Variants in SLC22A24 observed in about 807,000 individuals in gnomAD.
The protein encoded by SLC22A24 is steroid transmembrane transporter SLC22A24.
A neutral mutation model predicts 49.8 loss-of-function variants in SLC22A24; 53 were observed. The ratio of observed to expected loss-of-function variants is 1.06; its 90% CI spans 0.85 to 1.34. The LOEUF (loss-of-function observed/expected upper bound fraction) is 1.34. Ranked by LOEUF, SLC22A24 falls within the 40% of genes most tolerant of loss-of-function variation. SLC22A24 has a pLI of 0.00. For synonymous variants in SLC22A24, 302 were observed against 256.4 expected, an observed-to-expected ratio of 1.18 and a Z score of -1.70; for missense variants, 786 against 675.9, an observed-to-expected ratio of 1.16 and a Z score of -1.81.
intron 4 of SLC22A24, among the ~76,000 whole-genome samples, chr11:63,113,886 G>T (rs6591750): frequency 0.79 from 118,750 of 149,684 alleles, 48,303 homozygotes; most frequent in East Asian, 0.9. Context: ...TGTTGAATAT[G>T]GGCCCCCTCT....
intron 6 of SLC22A24, among the ~76,000 whole-genome samples, chr11:63,093,739 G>T (rs1450653987): frequency 1.3e-5 from 2 of 151,810 alleles, no homozygotes; most frequent in African/African-American, 2.4e-5. Context: ...AATAACTAAT[G>T]GGTATTAGGC....
Position 63,079,959 on chromosome 11 carries a change from A to T in SLC22A24, c.1640T>A (p.Met547Lys). ...SRNIKQEDTC[M>K]KVTQF ...AATCTCTTAAAACTGTGTTACTTTC[A>T]TGCAAGTATCTTCCTGCTTTATGTT... Residue 547 changes from methionine (M) to lysine (K), a missense_variant, in exon 10 of 10, where the codon ATG becomes AAG. Transcript: ENST00000612278. 6.5e-7 allele frequency: 1 copy of T among 1,545,880 alleles called. No individual in the cohort carries two copies. Among genetic ancestry groups the T allele is most frequent in the Non-Finnish European group, 8.8e-7 (1 of 1,141,796 alleles).
chr11:63,130,406 ATGT>A (rs2087325305), intron 2 of SLC22A24, among the ~76,000 whole-genome samples: 2 of 152,218 alleles, frequency 1.3e-5, no homozygotes, highest in Admixed American at 1.3e-4. Flanking sequence ...TTTCACATCA[ATGT>A]TCATCAGGGA....
rs574801268 is a variant in SLC22A24 at position 63,083,124 on chromosome 11, G to A, written c.1285+119C>T. On this transcript the variant is annotated intron_variant, in intron 7 of 9. Coordinates refer to ENST00000612278, the MANE Select transcript of SLC22A24 (RefSeq NM_001136506.2). Reference sequence around the variant, plus strand: ...GTTCCAAACCCTCATATTAACTTCAGGGAATCTTTTGGCTGTCAAGGGCAA... The same window carrying A: ...GTTCCAAACCCTCATATTAACTTCAAGGAATCTTTTGGCTGTCAAGGGCAA... 3.5e-4 allele frequency: 268 copies of A among 776,526 alleles called. 1 individual carries two copies. The highest frequency in any genetic ancestry group is 2.3e-3 in the Middle Eastern group (6 of 2,620). The allele number at this position is 776,526 out of a possible 1,614,324, so 48.1% of individuals were successfully genotyped here.
intron 4 of SLC22A24, among the ~76,000 whole-genome samples, chr11:63,105,781 CT>C (rs1379184851): frequency 1.3e-5 from 2 of 152,054 alleles, no homozygotes; most frequent in Non-Finnish European, 2.9e-5. Flanking sequence ...GGTGATTAGC[CT>C]TTGGCTCCTC....
chr11:63,105,715 G>C (rs780634030), intron 4 of SLC22A24, among the ~76,000 whole-genome samples: 7 of 151,986 alleles, frequency 4.6e-5, no homozygotes, highest in Non-Finnish European at 7.4e-5. Context: ...GCCTATGATG[G>C]GAGGGGCTGC....
chr11:63,132,229 C>T (rs1182753045), intron 2 of SLC22A24, among the ~76,000 whole-genome samples: 1 of 152,138 alleles, frequency 6.6e-6, no homozygotes, highest in Non-Finnish European at 1.5e-5. Flanking sequence ...TTAGAACATG[C>T]TTCTTTAGCT....
At chr11:63,098,008 GC>G (rs2087066386) in intron 5 of SLC22A24, among the ~76,000 whole-genome samples, 1 of 152,100 alleles carries the variant, frequency 6.6e-6, no homozygotes, top group Non-Finnish European at 1.5e-5. Context: ...GATGGGTGCA[GC>G]AAACCACCAT....
intron 2 of SLC22A24, among the ~76,000 whole-genome samples, chr11:63,120,710 A>C (rs2087245901): frequency 1.3e-5 from 2 of 152,196 alleles, no homozygotes; most frequent in Admixed American, 1.3e-4. Context: ...GCATACAAAC[A>C]AACTTTAGTT....
intron 5 of SLC22A24, among the ~76,000 whole-genome samples, chr11:63,097,355 C>A (rs1488164594): frequency 3.3e-5 from 5 of 152,096 alleles, no homozygotes; most frequent in African/African-American, 1.2e-4. Context: ...TAGAGAAATG[C>A]AAATCAAAAC....
chr11:63,134,582 A>C, intron 2 of SLC22A24, 83 bp downstream of exon 2: 8 of 786,084 alleles, frequency 1.0e-5, no homozygotes, highest in Non-Finnish European at 1.7e-5. Flanking sequence ...AGTATACAGT[A>C]AGAGCTCAGT....
At chr11:63,117,225 GT>G (rs1299592990) in intron 4 of SLC22A24, among the ~76,000 whole-genome samples, 1 of 152,054 alleles carries the variant, frequency 6.6e-6, no homozygotes, top group East Asian at 1.9e-4. Flanking sequence ...CTTTCTCAAT[GT>G]TTGTTGTTGT....
chr11:63,087,467 C>T, intron 6 of SLC22A24, among the ~76,000 whole-genome samples: 1 of 152,204 alleles, frequency 6.6e-6, no homozygotes, highest in East Asian at 1.9e-4. Context: ...CACCAGGGCC[C>T]TGGGCTTCAA....
In SLC22A24 at chr11:63,143,885, A is replaced by G. The variant is rs2087434529; in HGVS notation, c.-106T>C. 1.1e-6 allele frequency: 1 copy of G among 938,298 alleles called. No individual in the cohort carries two copies. Among genetic ancestry groups the G allele is most frequent in the Admixed American group, 4.1e-5 (1 of 24,544 alleles). 58.1% of individuals were successfully genotyped at this position (938,298 alleles called of 1,614,324 possible). A position where few individuals can be genotyped will look rare whatever the true frequency, so the allele number is the denominator to read the frequency against. On this transcript the variant is annotated 5_prime_UTR_variant, in exon 1 of 10. Transcript: ENST00000612278. The stretch of plus-strand genomic sequence containing the variant: ...ACAAAGTTACCATAGTGCCATGTGG[A>G]TCCTGACACTGCTTTCTTCTTGGTG...
intron 2 of SLC22A24, among the ~76,000 whole-genome samples, chr11:63,123,072 G>A (rs1297750497): frequency 2.0e-5 from 3 of 152,084 alleles, no homozygotes; most frequent in Non-Finnish European, 2.9e-5. Flanking sequence ...GATTGGAGGA[G>A]GAAGGAGAAG....
intron 2 of SLC22A24, 39 bp downstream of exon 2, chr11:63,134,626 T>C (rs781633609): frequency 1.9e-5 from 22 of 1,152,270 alleles, no homozygotes; most frequent in Non-Finnish European, 2.7e-5. Context: ...GAATATATCA[T>C]CTGATAAACA....
chr11:63,132,666 C>T (rs2087345170), intron 2 of SLC22A24, among the ~76,000 whole-genome samples: 1 of 152,192 alleles, frequency 6.6e-6, no homozygotes, highest in South Asian at 2.1e-4. Context: ...CTGATCCCTC[C>T]TCTGGAAGCT....
chr11:63,140,514 T>C (rs181644383), intron 1 of SLC22A24, among the ~76,000 whole-genome samples: 4 of 152,294 alleles, frequency 2.6e-5, no homozygotes, highest in African/African-American at 9.6e-5. Context: ...TGAAAATCAT[T>C]CAGTTTACCT....
rs141001044 is a variant in SLC22A24 at position 63,104,250 on chromosome 11, A to T, written c.879T>A (p.Asp293Glu). ...CTCTTCTAAGCTCCTTTAAGCCCTC[A>T]TCTAGCTGATTGTTGATAATCAGCC... ...ARWLIINNQL[D>E]EGLKELRRVA... The change falls in exon 5 of 10, where the codon GAT (aspartate) becomes GAA (glutamate). Residue 293 changes from aspartate to glutamate, a missense_variant. Coordinates refer to ENST00000612278, the MANE Select transcript of SLC22A24 (RefSeq NM_001136506.2). 9 of 1,550,688 alleles carry T rather than the reference A, an allele frequency of 5.8e-6. No homozygotes were observed. In the Middle Eastern group the frequency reaches 6.7e-4, roughly 115 times the overall value.
Sources: gnomAD v4.1 joint callset for allele counts (sites outside exome capture counted in the v4.1 genomes callset) on GRCh38, gnomAD v4.1.1 for gene constraint, MANE v1.5 for transcripts, NCBI Gene and HGNC (gene_info 2026-07-23, HGNC 2026-07-21) for gene names.